The following CLEC12A variants were observed in gnomAD, a reference collection of about 807,000 sequenced individuals.
CLEC12A encodes the protein C-type lectin domain family 12 member A.
Under a neutral mutation model 26.5 loss-of-function variants are expected in CLEC12A, and 22 were observed. The ratio of observed to expected loss-of-function variants is 0.83; its 90% confidence interval spans 0.59 to 1.19. The LOEUF is 1.19. Ranked by LOEUF, CLEC12A falls within the 50% of genes most tolerant of loss-of-function variation. The pLI is 0.00. For synonymous variants in CLEC12A, 119 were observed against 101.9 expected (o/e 1.17, Z -1.01); for missense variants, 353 against 315.6 (o/e 1.12, Z -0.90).
At chr12:9,980,804 C>T (rs945402697) in intron 4 of CLEC12A, 71 bp downstream of exon 4, 2 of 1,490,752 alleles carry the variant, frequency 1.3e-6, no homozygotes, top group Non-Finnish European at 1.8e-6. Context: ...CTTCAATCAA[C>T]CCACTCATGA....
chr12:10,006,019 T>C, the CLEC12A span, among the ~76,000 whole-genome samples: 14 of 152,206 alleles, frequency 9.2e-5, no homozygotes, highest in Non-Finnish European at 1.3e-4. Context: ...TCATGTTAAC[T>C]CAATATTTCT....
At chr12:9,994,090 A>G (rs2137232740) in intron 4 of CLEC12A, among the ~76,000 whole-genome samples, 1 of 152,220 alleles carries the variant, frequency 6.6e-6, no homozygotes, top group South Asian at 2.1e-4. Context: ...GGTTTAAGGG[A>G]GGCTAATTTA....
At chr12:9,983,345 A>C (rs936347611) in intron 5 of CLEC12A, among the ~76,000 whole-genome samples, 1 of 152,166 alleles carries the variant, frequency 6.6e-6, no homozygotes, top group Non-Finnish European at 1.5e-5. Context: ...TTAATATATC[A>C]CATATATAGT....
chr12:9,973,807 T>C (rs1440308244), intron 1 of CLEC12A, among the ~76,000 whole-genome samples: 3 of 152,170 alleles, frequency 2.0e-5, no homozygotes, highest in South Asian at 2.1e-4. Context: ...TTCCGTAATT[T>C]TTTCCTTTCT....
chr12:9,983,461 A>G, intron 5 of CLEC12A: 1 of 686,748 alleles, frequency 1.5e-6, no homozygotes, highest in Non-Finnish European at 2.6e-6. Flanking sequence ...ATGGGAAAAA[A>G]AGTCTTTACA....
At chr12:9,967,981 C>A (rs906546418), upstream of CLEC12A, among the ~76,000 whole-genome samples, 11 of 152,038 alleles carry the variant, frequency 7.2e-5, no homozygotes, top group African/African-American at 2.7e-4. Context: ...ATGAATAAAA[C>A]GCGTCTCCTT....
chr12:9,952,311 G>A (rs905098916), intron 1 of CLEC12A, among the ~76,000 whole-genome samples: 3 of 149,884 alleles, frequency 2.0e-5, no homozygotes, highest in Non-Finnish European at 4.5e-5. Context: ...TCAGCCTGCC[G>A]AGTGCCTGCG....
chr12:9,980,493 G>T, intron 3 of CLEC12A, 89 bp from the exon 4 acceptor site: 9 of 1,191,724 alleles, frequency 7.6e-6, no homozygotes, highest in South Asian at 1.5e-5. Context: ...AACAGCAAAT[G>T]TGATCAATGT....
At chr12:9,988,584 A>G, downstream of CLEC12A, among the ~76,000 whole-genome samples, 1 of 152,240 alleles carries the variant, frequency 6.6e-6, no homozygotes, top group Non-Finnish European at 1.5e-5. Context: ...AAAAGAAGAC[A>G]TTTATGCAGC....
downstream of CLEC12A, among the ~76,000 whole-genome samples, chr12:9,988,461 C>T (rs1169268870): frequency 6.6e-6 from 1 of 152,154 alleles, no homozygotes; most frequent in Non-Finnish European, 1.5e-5. Flanking sequence ...TTGCAATCTA[C>T]TCATCTGACA....
At chr12:9,983,867 G>C in intron 5 of CLEC12A, 1 of 249,444 alleles carries the variant, frequency 4.0e-6, no homozygotes, top group Non-Finnish European at 7.9e-6. Flanking sequence ...TCTACAAATG[G>C]AGTGGAGAAG....
exon 1 of CLEC12A, chr12:9,951,324 A>T: frequency 1.4e-6 from 1 of 703,022 alleles, no homozygotes; most frequent in Non-Finnish European, 2.6e-6. Context: ...TAGGAAGAAC[A>T]GCCTTTCAAA....
intron 5 of CLEC12A, 72 bp downstream of exon 5, chr12:9,982,201 A>G (rs1316439431): frequency 1.5e-5 from 11 of 756,590 alleles, no homozygotes; most frequent in Non-Finnish European, 2.5e-5. Flanking sequence ...AGCACTGTAG[A>G]TTCAAATTAA....
rs1162821859 is a variant in CLEC12A, at chr12:9,977,342, A to G, written c.92-1624A>G. ...CTGTTATTTTGCCCTCCTAGATTAA[A>G]TTCTTCCAGTGGTTTCCCCAAAAAT... On this transcript the variant is annotated intron_variant, in intron 1 of 5. Transcript: ENST00000304361. Among the ~76,000 whole-genome samples, 3 of 152,174 alleles carry G rather than the reference A, an allele frequency of 2.0e-5. No homozygotes were observed. In the East Asian group the frequency reaches 5.8e-4, roughly 29 times the overall value.
upstream of CLEC12A, among the ~76,000 whole-genome samples, chr12:9,971,179 T>C (rs1864112106): frequency 1.3e-5 from 2 of 152,182 alleles, no homozygotes; most frequent in African/African-American, 2.4e-5. Flanking sequence ...GTTATTTTTC[T>C]GCTTGAAAGT....
intron 4 of CLEC12A, chr12:9,991,082 C>T (rs1295802102): frequency 6.6e-5 from 10 of 152,196 alleles, no homozygotes; most frequent in Admixed American, 6.5e-4. Context: ...ATTAATGTGA[C>T]TCACTTTATT....
chr12:9,971,274 C>A, upstream of CLEC12A: 1 of 331,700 alleles, frequency 3.0e-6, no homozygotes, highest in Non-Finnish European at 4.4e-6. Flanking sequence ...TGATGTTATC[C>A]AAACACAATT....
chr12:9,981,371 T>C (rs1864548387), intron 4 of CLEC12A, among the ~76,000 whole-genome samples: 3 of 152,186 alleles, frequency 2.0e-5, no homozygotes, highest in Non-Finnish European at 4.4e-5. Context: ...GTCTCTCACA[T>C]AGCAATCATA....
the CLEC12A span, among the ~76,000 whole-genome samples, chr12:10,001,470 C>G: frequency 8.5e-5 from 13 of 152,162 alleles, no homozygotes; most frequent in African/African-American, 3.1e-4. Flanking sequence ...GTCTGAGAGT[C>G]TTATATCTTA....
Sources: allele counts gnomAD v4.1 joint callset (sites outside exome capture counted in the v4.1 genomes callset), GRCh38; gene constraint gnomAD v4.1.1; transcripts MANE v1.5; gene names NCBI Gene and HGNC (gene_info 2026-07-23, HGNC 2026-07-21).